Variants in SMURF2 observed in about 807,000 individuals in gnomAD.
The protein encoded by SMURF2 is SMAD specific E3 ubiquitin protein ligase 2, also known as E3 ubiquitin-protein ligase SMURF2.
A neutral mutation model predicts 109.6 loss-of-function variants in SMURF2; 48 were observed. The observed-to-expected ratio is 0.44, with a 90% CI of 0.35 to 0.56. The LOEUF is 0.56. Among genes scored for constraint, SMURF2 ranks in the 20% least tolerant of loss-of-function variants. The pLI, the probability that SMURF2 is intolerant of heterozygous loss-of-function variation, is 0.01. For missense variants in SMURF2, 575 were observed against 909.0 expected (o/e 0.63, Z 4.72); for synonymous variants, 288 against 317.1 (o/e 0.91, Z 0.97).
chr17:64,603,578 C>CAT (rs145816722), intron 2 of SMURF2, among the ~76,000 whole-genome samples: 1 of 120,676 alleles, frequency 8.3e-6, no homozygotes. Flanking sequence ...AAGACTCCGT[C>CAT]GGGGGAAAAA....
At chr17:64,661,691 C>T (rs1970779642) in intron 1 of SMURF2, 138 bp downstream of exon 1, 1 of 503,450 alleles carries the variant, frequency 2.0e-6, no homozygotes, top group East Asian at 4.8e-5. Context: ...CAATTACTCT[C>T]CCTGAACTAG....
At chr17:64,621,707 C>T (rs1184855942) in intron 1 of SMURF2, among the ~76,000 whole-genome samples, 3 of 151,256 alleles carry the variant, frequency 2.0e-5, no homozygotes, top group Non-Finnish European at 4.4e-5. Flanking sequence ...AACCCCATCT[C>T]TACTAAAAAT....
chr17:64,626,418 G>A (rs1414790866), intron 1 of SMURF2, among the ~76,000 whole-genome samples: 1 of 151,964 alleles, frequency 6.6e-6, no homozygotes, highest in African/African-American at 2.4e-5. Context: ...AGAAGCACAG[G>A]CTATTTCATT....
chr17:64,662,048 G>A lies in SMURF2; in HGVS notation c.-168C>T. The A allele has an allele frequency of 9.0e-7, 1 of 1,113,898 alleles. No individual in the cohort carries two copies. The highest frequency in any genetic ancestry group is 3.9e-4 in the Middle Eastern group (1 of 2,582). The allele number at this position is 1,113,898 out of a possible 1,614,324, so 69.0% of individuals were successfully genotyped here. A position where few individuals can be genotyped will look rare whatever the true frequency, so the allele number is the denominator to read the frequency against. On this transcript the variant is annotated 5_prime_UTR_variant, in exon 1 of 19. Coordinates refer to ENST00000262435, the MANE Select transcript of SMURF2 (RefSeq NM_022739.4). Reference sequence around the variant, plus strand: ...GAGTCGTCGCCATGAGCCGCGGAGGGAGCGGGACGCCGAGCTCCCCCCTCC... The same window carrying A: ...GAGTCGTCGCCATGAGCCGCGGAGGAAGCGGGACGCCGAGCTCCCCCCTCC...
At chr17:64,641,006 TATA>T (rs1258147111) in intron 1 of SMURF2, among the ~76,000 whole-genome samples, 1 of 151,940 alleles carries the variant, frequency 6.6e-6, no homozygotes, top group Non-Finnish European at 1.5e-5. Context: ...AACCCTGAAT[TATA>T]ATATTTTTTC....
At chr17:64,646,053 C>T (rs1970554698) in intron 1 of SMURF2, among the ~76,000 whole-genome samples, 1 of 151,728 alleles carries the variant, frequency 6.6e-6, no homozygotes, top group African/African-American at 2.4e-5. Flanking sequence ...TGGCATTTGA[C>T]TTCACTATTT....
chr17:64,600,935 T>A (rs540890298), intron 2 of SMURF2, among the ~76,000 whole-genome samples: 5 of 152,140 alleles, frequency 3.3e-5, no homozygotes, highest in South Asian at 4.1e-4. Context: ...CTTGCTTTTT[T>A]AAAAAAATAA....
chr17:64,570,523 A>T (rs891321104), intron 10 of SMURF2, among the ~76,000 whole-genome samples: 1 of 152,220 alleles, frequency 6.6e-6, no homozygotes, highest in Non-Finnish European at 1.5e-5. Flanking sequence ...GGCAATGCTA[A>T]TAAGTAACAG....
At chr17:64,616,654 CAAAA>C (rs376620328) in intron 1 of SMURF2, among the ~76,000 whole-genome samples, 4 of 84,938 alleles carry the variant, frequency 4.7e-5, no homozygotes, top group Non-Finnish European at 5.0e-5. Context: ...GACTCTGTCT[CAAAA>C]AAAAAAAAAA....
intron 1 of SMURF2, among the ~76,000 whole-genome samples, chr17:64,642,487 C>T (rs1970505080): frequency 6.6e-6 from 1 of 152,160 alleles, no homozygotes; most frequent in Non-Finnish European, 1.5e-5. Context: ...TAATCCCTGG[C>T]CTCTCCTGAA....
chr17:64,602,540 A>G (rs1969912021), intron 2 of SMURF2, among the ~76,000 whole-genome samples: 4 of 152,208 alleles, frequency 2.6e-5, no homozygotes, highest in African/African-American at 9.7e-5. Context: ...TTGAGAGCCA[A>G]GTTACTCCCA....
chr17:64,553,550 G>T (rs1330088038), intron 15 of SMURF2, among the ~76,000 whole-genome samples: 1 of 151,846 alleles, frequency 6.6e-6, no homozygotes, highest in East Asian at 1.9e-4. Flanking sequence ...AAAAACCATG[G>T]ATTTTGTTCC....
intron 11 of SMURF2, 28 bp downstream of exon 11, chr17:64,562,743 T>TA (rs782203302): frequency 6.3e-7 from 1 of 1,597,248 alleles, no homozygotes; most frequent in African/African-American, 1.4e-5. Context: ...AAAAAAATAG[T>TA]AAAACAAAAT....
intron 1 of SMURF2, among the ~76,000 whole-genome samples, chr17:64,607,455 G>A (rs1456067070): frequency 2.6e-5 from 4 of 151,664 alleles, no homozygotes; most frequent in African/African-American, 7.3e-5. Flanking sequence ...GTGACACCCC[G>A]TCTCTACTAA....
chr17:64,608,762 G>C (rs1386152058), intron 1 of SMURF2, among the ~76,000 whole-genome samples: 1 of 151,738 alleles, frequency 6.6e-6, no homozygotes, highest in Non-Finnish European at 1.5e-5. Context: ...AATGTCTACT[G>C]TCCTCTCTAA....
At chr17:64,636,003 A>G (rs1185094867) in intron 1 of SMURF2, among the ~76,000 whole-genome samples, 3 of 152,196 alleles carry the variant, frequency 2.0e-5, no homozygotes, top group African/African-American at 7.2e-5. Flanking sequence ...CCATTATTAT[A>G]GCCCTTCTAG....
chr17:64,611,125 A>G (rs1568194574), intron 1 of SMURF2, among the ~76,000 whole-genome samples: 2 of 152,090 alleles, frequency 1.3e-5, no homozygotes, highest in Non-Finnish European at 2.9e-5. Flanking sequence ...AGGTTCTCTT[A>G]TTTCACTCTG....
At chr17:64,640,732 A>AAC (rs1429126311) in intron 1 of SMURF2, among the ~76,000 whole-genome samples, 1 of 152,174 alleles carries the variant, frequency 6.6e-6, no homozygotes, top group Non-Finnish European at 1.5e-5. Flanking sequence ...CATCCTGGCC[A>AAC]ACATGGTGAA....
Position 64,621,443 on chromosome 17 carries a change from C to T in SMURF2, c.53-14803G>A, listed in dbSNP as rs149486893. ...AAAAATACAAAAATTAGCCAGGCGT[C>T]GTGGCGTGTGCCTGTAGTCCCAGCT... On this transcript the variant is annotated intron_variant, in intron 1 of 18. Coordinates refer to ENST00000262435, the MANE Select transcript of SMURF2 (RefSeq NM_022739.4). 6.6e-4 allele frequency among the ~76,000 whole-genome samples: 100 copies of T among 151,194 alleles called. 2 individuals are homozygous for T. The East Asian group carries it at 0.018, about 27-fold the overall frequency.
Sources: allele counts gnomAD v4.1 joint callset (sites outside exome capture counted in the v4.1 genomes callset), GRCh38; gene constraint gnomAD v4.1.1; transcripts MANE v1.5; gene names NCBI Gene and HGNC (gene_info 2026-07-23, HGNC 2026-07-21).